HYCC1: variants seen among roughly 807,000 people sequenced by gnomAD.
HYCC1 encodes hyccin.
At chr7:22,983,659 T>A in the HYCC1 span, 1 of 375,792 alleles carries the variant, frequency 2.7e-6, no homozygotes, top group African/African-American at 2.0e-5. Context: ...TGGCTCATAA[T>A]GGGCACTCAA....
At chr7:22,958,557 T>C in the HYCC1 span, among the ~76,000 whole-genome samples, 1 of 152,130 alleles carries the variant, frequency 6.6e-6, no homozygotes, top group East Asian at 1.9e-4. Context: ...ACCCCTCAAG[T>C]GGCAGCCAAA....
the HYCC1 span, among the ~76,000 whole-genome samples, chr7:23,007,913 G>T: frequency 6.6e-6 from 1 of 151,908 alleles, no homozygotes; most frequent in Admixed American, 6.6e-5. Context: ...CCCTGAAAAG[G>T]CATAGAAGAC....
the HYCC1 span, chr7:22,943,326 C>T: frequency 2.6e-5 from 4 of 152,110 alleles, no homozygotes; most frequent in African/African-American, 7.2e-5. Context: ...ACATATTAGA[C>T]GAGTAATTTG....
At chr7:22,909,034 C>T in the HYCC1 span, among the ~76,000 whole-genome samples, 1 of 152,218 alleles carries the variant, frequency 6.6e-6, no homozygotes, top group Non-Finnish European at 1.5e-5. Flanking sequence ...TAACATGGTC[C>T]ATGACCATGC....
the HYCC1 span, among the ~76,000 whole-genome samples, chr7:22,962,686 G>A: frequency 1.3e-5 from 2 of 152,018 alleles, no homozygotes; most frequent in Non-Finnish European, 2.9e-5. Flanking sequence ...GAGATGCGGG[G>A]ACATGGGATC....
At chr7:22,994,604 T>C in the HYCC1 span, among the ~76,000 whole-genome samples, 13 of 152,168 alleles carry the variant, frequency 8.5e-5, no homozygotes, top group Non-Finnish European at 1.6e-4. Context: ...AGAGATCAAA[T>C]GGGAGCCCTC....
chr7:22,999,269 T>A, the HYCC1 span, among the ~76,000 whole-genome samples: 9 of 152,192 alleles, frequency 5.9e-5, no homozygotes, highest in African/African-American at 2.2e-4. Context: ...ACAAGAGCAG[T>A]TATTGCTGAA....
At chr7:22,976,332 C>T in the HYCC1 span, 1 of 1,515,452 alleles carries the variant, frequency 6.6e-7, no homozygotes, top group Non-Finnish European at 9.1e-7. Context: ...AGAATATTAA[C>T]AAATCTTTAG....
At chr7:22,918,494 A>AC in the HYCC1 span, among the ~76,000 whole-genome samples, 3 of 151,774 alleles carry the variant, frequency 2.0e-5, no homozygotes, top group Non-Finnish European at 4.4e-5. Flanking sequence ...AATTTTTGCC[A>AC]CCCCAACACT....
the HYCC1 span, among the ~76,000 whole-genome samples, chr7:22,968,697 A>C: frequency 2.6e-5 from 4 of 152,140 alleles, no homozygotes; most frequent in East Asian, 7.7e-4. Flanking sequence ...CTAAAAGCAG[A>C]CAATGTAAGG....
At chr7:22,964,412 T>C in the HYCC1 span, 5 of 1,530,382 alleles carry the variant, frequency 3.3e-6, no homozygotes, top group Non-Finnish European at 4.5e-6. Flanking sequence ...ATGAGATACT[T>C]ACAAGGCAAA....
At chr7:22,943,439 T>C in the HYCC1 span, 1 of 152,136 alleles carries the variant, frequency 6.6e-6, no homozygotes, top group Non-Finnish European at 1.5e-5. Flanking sequence ...TTCTGCATTT[T>C]TAACAAGATA....
the HYCC1 span, chr7:22,947,166 T>A: frequency 6.5e-7 from 1 of 1,550,308 alleles, no homozygotes; most frequent in South Asian, 1.2e-5. Flanking sequence ...CCCGGTTCTC[T>A]CTCCGGCCAC....
chr7:22,906,029 C>CTA, the HYCC1 span, among the ~76,000 whole-genome samples: 1 of 152,080 alleles, frequency 6.6e-6, no homozygotes, highest in Admixed American at 6.6e-5. Flanking sequence ...ATTAGTAAGA[C>CTA]TATCATACAG....
chr7:22,908,767 A>G, the HYCC1 span, among the ~76,000 whole-genome samples: 8 of 152,200 alleles, frequency 5.3e-5, no homozygotes, highest in Non-Finnish European at 7.3e-5. Flanking sequence ...GTCTTGACTG[A>G]TAAGAATGAC....
chr7:22,926,787 C>T, the HYCC1 span, among the ~76,000 whole-genome samples: 34,317 of 147,770 alleles, frequency 0.23, 4,036 homozygotes, highest in East Asian at 0.43. Flanking sequence ...GACAGAAAGT[C>T]AACAAGGATA....
At chr7:23,008,743 T>C in the HYCC1 span, among the ~76,000 whole-genome samples, 1 of 152,030 alleles carries the variant, frequency 6.6e-6, no homozygotes, top group Non-Finnish European at 1.5e-5. Context: ...AGACAGAGTA[T>C]ACACACATGA....
chr7:22,985,669 A>G, the HYCC1 span: 164 of 152,208 alleles, frequency 1.1e-3, no homozygotes, highest in African/African-American at 3.7e-3. Context: ...CAATATTTCA[A>G]AAGTATGACA....
chr7:22,898,100 G>T, the HYCC1 span, among the ~76,000 whole-genome samples: 1 of 151,622 alleles, frequency 6.6e-6, no homozygotes, highest in Non-Finnish European at 1.5e-5. Flanking sequence ...AGGCTGGAGT[G>T]CAGTGCATGA....
Sources: allele counts gnomAD v4.1 joint callset (sites outside exome capture counted in the v4.1 genomes callset), GRCh38; gene constraint gnomAD v4.1.1; transcripts MANE v1.5; gene names NCBI Gene and HGNC (gene_info 2026-07-23, HGNC 2026-07-21).